CACNA2D3: variants seen among roughly 807,000 people sequenced by gnomAD.
CACNA2D3 encodes the protein calcium voltage-gated channel auxiliary subunit alpha2delta 3.
A neutral mutation model predicts 160.6 loss-of-function variants in CACNA2D3; 60 were observed. The observed-to-expected ratio is 0.37, with a 90% CI of 0.30 to 0.46. The LOEUF (loss-of-function observed/expected upper bound fraction) is 0.46. CACNA2D3 is among the 20% of genes least tolerant of loss of function. The pLI, the probability that CACNA2D3 is intolerant of heterozygous loss-of-function variation, is 1.00. For synonymous variants in CACNA2D3, 558 were observed against 492.9 expected, an observed-to-expected ratio of 1.13 and a Z score of -1.75; for missense variants, 1,205 against 1,365.0, an observed-to-expected ratio of 0.88 and a Z score of 1.85.
At chr3:54,897,182 T>C (rs1305703364) in intron 26 of CACNA2D3, among the ~76,000 whole-genome samples, 1 of 152,132 alleles carries the variant, frequency 6.6e-6, no homozygotes, top group Non-Finnish European at 1.5e-5. Flanking sequence ...TGGCCCCACT[T>C]AGAGAAAATT....
intron 27 of CACNA2D3, among the ~76,000 whole-genome samples, chr3:54,920,576 C>T (rs922917792): frequency 2.0e-5 from 3 of 152,156 alleles, no homozygotes; most frequent in Non-Finnish European, 2.9e-5. Context: ...TTCAAAGTGC[C>T]ATTGAGATTA....
At chr3:54,433,797 C>T (rs1700022928) in intron 4 of CACNA2D3, among the ~76,000 whole-genome samples, 1 of 152,180 alleles carries the variant, frequency 6.6e-6, no homozygotes. Flanking sequence ...AAGCCTGTTC[C>T]TCCTAGACAA....
chr3:54,582,359 T>A (rs1292922426), intron 9 of CACNA2D3, among the ~76,000 whole-genome samples: 1 of 152,210 alleles, frequency 6.6e-6, no homozygotes, highest in Non-Finnish European at 1.5e-5. Flanking sequence ...CATTGCCTGT[T>A]CCATTAATAT....
At chr3:54,650,596 G>A (rs574511524) in intron 11 of CACNA2D3, among the ~76,000 whole-genome samples, 22 of 152,172 alleles carry the variant, frequency 1.4e-4, no homozygotes, top group African/African-American at 3.1e-4. Context: ...AACTTCTGAC[G>A]TCAAGTGATC....
rs1700392149 is a variant in CACNA2D3 at position 54,903,769 on chromosome 3, ATC to A, written c.2449+3904_2449+3905del. On this transcript the variant is annotated intron_variant, in intron 27 of 37. Coordinates refer to ENST00000474759, the MANE Select transcript of CACNA2D3 (RefSeq NM_018398.3). ...GCCATTCTGACTGGTGTGAGATGAT[ATC>A]TCATTGTGGTTTTGATTTGCATTTA... Among the ~76,000 whole-genome samples the A allele has an allele frequency of 3.9e-5, 6 of 152,286 alleles. No individual in the cohort carries two copies. In the South Asian group the frequency reaches 1.2e-3, roughly 32 times the overall value.
At chr3:54,557,032 T>TCC (rs1702252778) in intron 5 of CACNA2D3, among the ~76,000 whole-genome samples, 1 of 152,252 alleles carries the variant, frequency 6.6e-6, no homozygotes, top group Non-Finnish European at 1.5e-5. Flanking sequence ...TTTTTCTGTT[T>TCC]TTTCTTTTCC....
chr3:54,195,334 A>G (rs1347534338), intron 2 of CACNA2D3, among the ~76,000 whole-genome samples: 1 of 152,142 alleles, frequency 6.6e-6, no homozygotes, highest in Non-Finnish European at 1.5e-5. Flanking sequence ...ACCACTGACC[A>G]TCAGCTCTGT....
rs1381027218 is a variant in CACNA2D3, at chr3:54,265,690, TGTGG to T, written c.205-54749_205-54746del. 2.8e-4 allele frequency among the ~76,000 whole-genome samples: 42 copies of T among 150,264 alleles called. 1 individual carries two copies. Among genetic ancestry groups the T allele is most frequent in the African/African-American group, 9.8e-4 (40 of 40,878 alleles). On this transcript the variant is annotated intron_variant, in intron 2 of 37. Transcript: ENST00000474759. ...ATATAGTGTGTGTATATATATATAG[TGTGG>T]GTATATATAGTGTGTTTATATACGC...
At chr3:54,647,146 C>T (rs548823133) in intron 11 of CACNA2D3, among the ~76,000 whole-genome samples, 2 of 152,198 alleles carry the variant, frequency 1.3e-5, no homozygotes, top group African/African-American at 4.8e-5. Flanking sequence ...GTTAGCACCT[C>T]GATTGTAGAC....
rs1299263208 is a variant in CACNA2D3, at chr3:54,287,840, G to A, written c.205-32602G>A. Among the ~76,000 whole-genome samples the A allele has an allele frequency of 3.9e-4, 59 of 150,088 alleles. 1 individual carries two copies. In the South Asian group the frequency reaches 0.011, roughly 28 times the overall value. On this transcript the variant is annotated intron_variant, in intron 2 of 37. Transcript: ENST00000474759. ...CCTGAATGACTACTGGGTACAGAACGAAATGAAGGCAGAAATAAAGATGTT... is the reference window on the plus strand; with the variant it reads ...CCTGAATGACTACTGGGTACAGAACAAAATGAAGGCAGAAATAAAGATGTT...
Position 54,300,219 on chromosome 3 carries a change from A to G in CACNA2D3, c.205-20223A>G, listed in dbSNP as rs571728002. Reference sequence around the variant, plus strand: ...TTCCATGAAAGCATTTTTGTTGTCTACAGAGGAGTGTTTTGGGACTTGTCT... The same window carrying G: ...TTCCATGAAAGCATTTTTGTTGTCTGCAGAGGAGTGTTTTGGGACTTGTCT... On this transcript the variant is annotated intron_variant, in intron 2 of 37. Coordinates refer to ENST00000474759, the MANE Select transcript of CACNA2D3 (RefSeq NM_018398.3). Among the ~76,000 whole-genome samples, 82 of 152,292 alleles carry G rather than the reference A, an allele frequency of 5.4e-4. 1 individual carries two copies. The highest frequency in any genetic ancestry group is 1.9e-3 in the African/African-American group (79 of 41,568).
chr3:55,010,626 A>G (rs1007927907), intron 34 of CACNA2D3, among the ~76,000 whole-genome samples: 3 of 152,146 alleles, frequency 2.0e-5, no homozygotes, highest in African/African-American at 7.2e-5. Flanking sequence ...CTAGTAGGCT[A>G]TTACCATTCT....
At chr3:54,809,700 C>G (rs1029972193) in intron 13 of CACNA2D3, among the ~76,000 whole-genome samples, 1 of 151,566 alleles carries the variant, frequency 6.6e-6, no homozygotes, top group Non-Finnish European at 1.5e-5. Context: ...CCCTTCCTTC[C>G]CTTTCCTCCT....
At chr3:54,453,568 G>A (rs985054505) in intron 4 of CACNA2D3, among the ~76,000 whole-genome samples, 6 of 152,292 alleles carry the variant, frequency 3.9e-5, no homozygotes, top group Middle Eastern at 3.4e-3. Context: ...TAGGCAAAAC[G>A]AGCCTGTTTT....
intron 35 of CACNA2D3, among the ~76,000 whole-genome samples, chr3:55,061,460 C>T (rs566922384): frequency 3.9e-5 from 6 of 152,220 alleles, no homozygotes; most frequent in South Asian, 4.1e-4. Context: ...GGTGATGATA[C>T]GGAATTTAAG....
intron 9 of CACNA2D3, among the ~76,000 whole-genome samples, chr3:54,618,352 CATAT>C (rs140732966): frequency 3.3e-5 from 4 of 119,892 alleles, no homozygotes; most frequent in South Asian, 5.6e-4. Context: ...TTGATACATA[CATAT>C]ATATATATAT....
At chr3:54,279,723 G>A (rs59376381) in intron 2 of CACNA2D3, among the ~76,000 whole-genome samples, 2,041 of 152,190 alleles carry the variant, frequency 0.013, 46 homozygotes, top group African/African-American at 0.048. Context: ...AAACCATTTC[G>A]AGTTCTAGCA....
intron 3 of CACNA2D3, among the ~76,000 whole-genome samples, chr3:54,366,330 A>C (rs115983981): frequency 0.012 from 1,812 of 152,354 alleles, 35 homozygotes; most frequent in African/African-American, 0.038. Context: ...TGCAGTGTTC[A>C]ATGATGATGG....
At chr3:54,674,249 T>C (rs2162651) in intron 11 of CACNA2D3, among the ~76,000 whole-genome samples, 1 of 152,314 alleles carries the variant, frequency 6.6e-6, no homozygotes, top group South Asian at 2.1e-4. Flanking sequence ...CTGCTGATGA[T>C]ACAGAGCATT....
Sources: allele counts gnomAD v4.1 joint callset (sites outside exome capture counted in the v4.1 genomes callset), GRCh38; gene constraint gnomAD v4.1.1; transcripts MANE v1.5; gene names NCBI Gene and HGNC (gene_info 2026-07-23, HGNC 2026-07-21).